Variants in SLCO4C1 observed in about 807,000 individuals in gnomAD.
The protein encoded by SLCO4C1 is solute carrier organic anion transporter family member 4C1, also known as organic anion transporter M1.
A neutral mutation model predicts 72.1 loss-of-function variants in SLCO4C1; 58 were observed. The ratio of observed to expected loss-of-function variants is 0.80; its 90% CI spans 0.65 to 1.00. The LOEUF is 1.00. SLCO4C1 is among the 50% of genes least tolerant of loss of function. The pLI is 0.00. For missense variants in SLCO4C1, 898 were observed against 857.9 expected, an observed-to-expected ratio of 1.05 and a Z score of -0.58; for synonymous variants, 297 against 312.5, an observed-to-expected ratio of 0.95 and a Z score of 0.52.
intron 6 of SLCO4C1, among the ~76,000 whole-genome samples, chr5:102,258,465 C>G (rs922489557): frequency 2.6e-5 from 4 of 152,014 alleles, no homozygotes; most frequent in Non-Finnish European, 5.9e-5. Context: ...TTCCTATGTA[C>G]AGTAAAGAAA....
At chr5:102,256,328 T>C (rs1748834601) in intron 8 of SLCO4C1, among the ~76,000 whole-genome samples, 1 of 152,242 alleles carries the variant, frequency 6.6e-6, no homozygotes. Context: ...ATGATTGTCA[T>C]TGGCAAACTT....
At chr5:102,252,725 A>AT (rs1197706812) in intron 8 of SLCO4C1, among the ~76,000 whole-genome samples, 1 of 152,192 alleles carries the variant, frequency 6.6e-6, no homozygotes, top group Non-Finnish European at 1.5e-5. Flanking sequence ...TATATTCCTT[A>AT]ATATCAAGGG....
chr5:102,245,264 A>T (rs577129262), intron 10 of SLCO4C1, among the ~76,000 whole-genome samples: 43 of 152,266 alleles, frequency 2.8e-4, no homozygotes, highest in South Asian at 8.3e-4. Flanking sequence ...TGAATGGATG[A>T]TAAAACAAGA....
Position 102,237,070 on chromosome 5 carries a change from A to T in SLCO4C1, c.2015-52T>A, listed in dbSNP as rs1479434675. ...TGCTTTTGTTTTTAATTATGATAAA[A>T]ATTATCACTGAGAAAAATCTTCATG... On this transcript the variant is annotated intron_variant, in intron 12 of 12. Coordinates refer to ENST00000310954, the MANE Select transcript of SLCO4C1 (RefSeq NM_180991.5). 3.4e-6 allele frequency: 5 copies of T among 1,483,652 alleles called. No homozygotes were observed. In the African/African-American group the frequency reaches 7.1e-5, roughly 21 times the overall value. The allele number at this position is 1,483,652 out of a possible 1,614,324, so 91.9% of individuals were successfully genotyped here.
intron 2 of SLCO4C1, among the ~76,000 whole-genome samples, chr5:102,282,271 T>A (rs1055460761): frequency 6.6e-6 from 1 of 152,070 alleles, no homozygotes; most frequent in African/African-American, 2.4e-5. Flanking sequence ...TCTATGAGAA[T>A]GTTTAAAATG....
intron 5 of SLCO4C1, among the ~76,000 whole-genome samples, chr5:102,261,505 TAA>T (rs573943217): frequency 1.4e-5 from 2 of 146,806 alleles, no homozygotes; most frequent in African/African-American, 5.0e-5. Context: ...AGTGATAACT[TAA>T]AAAAAAAAGT....
At chr5:102,244,260 GT>G (rs1748598778) in intron 10 of SLCO4C1, among the ~76,000 whole-genome samples, 2 of 152,144 alleles carry the variant, frequency 1.3e-5, no homozygotes, top group South Asian at 2.1e-4. Context: ...ATGCATCAGA[GT>G]CCTTTAGTAG....
intron 3 of SLCO4C1, among the ~76,000 whole-genome samples, chr5:102,265,231 T>C (rs970562955): frequency 4.6e-5 from 7 of 152,166 alleles, no homozygotes; most frequent in African/African-American, 1.7e-4. Context: ...CTTTGTTGGA[T>C]GAACAGTCTG....
chr5:102,250,616 C>T (rs974724352), intron 8 of SLCO4C1, among the ~76,000 whole-genome samples: 1 of 152,104 alleles, frequency 6.6e-6, no homozygotes, highest in South Asian at 2.1e-4. Context: ...CTTTTAGAAG[C>T]ACCAAGGAAG....
At position 102,296,137 on chromosome 5, in the gene SLCO4C1, C is replaced by T; in HGVS notation, c.126G>A (p.Glu42=). The change falls in exon 1 of 13, where the codon GAG becomes GAA. Residue 42 remains glutamate, a synonymous_variant. Coordinates refer to ENST00000310954, the MANE Select transcript of SLCO4C1 (RefSeq NM_180991.5). ...VSALSSDPQR[E]NSQPQELQKP... ...TCTGAAGCTCCTGTGGCTGAGAATT[C>T]TCTCTTTGGGGGTCAGAGGACAAGG... is the stretch of plus-strand genomic sequence containing the variant. The T allele has an allele frequency of 1.9e-6, 3 of 1,614,134 alleles. No individual in the cohort carries two copies. Among genetic ancestry groups the T allele is most frequent in the Non-Finnish European group, 1.7e-6 (2 of 1,179,988 alleles).
intron 5 of SLCO4C1, 40 bp downstream of exon 5, chr5:102,261,872 T>A: frequency 6.4e-7 from 1 of 1,564,852 alleles, no homozygotes; most frequent in South Asian, 1.2e-5. Flanking sequence ...TGGCCTACAA[T>A]TAAAATAAAC....
At chr5:102,295,857 G>A in intron 1 of SLCO4C1, 51 bp downstream of exon 1, 2 of 1,530,560 alleles carry the variant, frequency 1.3e-6, no homozygotes, top group Non-Finnish European at 1.8e-6. Context: ...GGCTCGCCGT[G>A]CCCACCTCGC....
chr5:102,270,807 CTT>C lies in SLCO4C1; in HGVS notation c.620-3_620-2del. The C allele has an allele frequency of 6.8e-7, 1 of 1,466,928 alleles. No individual in the cohort carries two copies. Among genetic ancestry groups the C allele is most frequent in the African/African-American group, 2.1e-5 (1 of 47,074 alleles). The allele number at this position is 1,466,928 out of a possible 1,614,324, so 90.9% of individuals were successfully genotyped here. ...CTATTCCTTGTTGTTACACAAGTGT[CTT>C]TGTGGAAAAAAAAATTGTGAATTTA... On this transcript the variant is annotated splice_acceptor_variant and splice_polypyrimidine_tract_variant and intron_variant, in intron 2 of 12. Transcript: ENST00000310954. LOFTEE classifies it high-confidence loss of function.
Position 102,270,823 on chromosome 5 carries a change from A to T in SLCO4C1, c.620-17T>A. ...CACAAGTGTCTTTGTGGAAAAAAAA[A>T]TTGTGAATTTATAGAAATTCAGCTA... is the stretch of plus-strand genomic sequence containing the variant. On this transcript the variant is annotated splice_polypyrimidine_tract_variant and intron_variant, in intron 2 of 12. Transcript: ENST00000310954. 6.5e-7 allele frequency: 1 copy of T among 1,542,122 alleles called. No homozygotes were observed. Among genetic ancestry groups the T allele is most frequent in the Non-Finnish European group, 8.7e-7 (1 of 1,146,214 alleles).
chr5:102,266,230 G>A (rs1749035955), intron 3 of SLCO4C1, among the ~76,000 whole-genome samples: 2 of 152,032 alleles, frequency 1.3e-5, no homozygotes, highest in Non-Finnish European at 2.9e-5. Context: ...TTTTATGTAA[G>A]ACTATGTCAT....
In SLCO4C1 at chr5:102,255,657, T is replaced by A. The variant is rs188046261; in HGVS notation, c.1469+1458A>T. ...TCTCCCTTTCTCTCTTCTCAAATCT[T>A]TATTTCTCAAAACTCTTTGTATCCT... On this transcript the variant is annotated intron_variant, in intron 8 of 12. Coordinates refer to ENST00000310954, the MANE Select transcript of SLCO4C1 (RefSeq NM_180991.5). Among the ~76,000 whole-genome samples, 256 of 152,278 alleles carry A rather than the reference T, an allele frequency of 1.7e-3. 2 individuals are homozygous for A. The highest frequency in any genetic ancestry group is 0.014 in the Middle Eastern group (4 of 294).
chr5:102,237,503 T>C (rs1291762582), intron 12 of SLCO4C1, among the ~76,000 whole-genome samples: 4 of 151,908 alleles, frequency 2.6e-5, no homozygotes, highest in Admixed American at 6.6e-5. Context: ...TCCCAGCTAC[T>C]TGGGATGCTG....
intron 5 of SLCO4C1, among the ~76,000 whole-genome samples, chr5:102,260,804 G>A (rs1179819739): frequency 6.6e-6 from 1 of 151,632 alleles, no homozygotes; most frequent in African/African-American, 2.4e-5. Flanking sequence ...TTATTACCAT[G>A]TCCCTTTGAT....
At chr5:102,283,389 T>A (rs150598602) in intron 2 of SLCO4C1, among the ~76,000 whole-genome samples, 1 of 152,156 alleles carries the variant, frequency 6.6e-6, no homozygotes, top group East Asian at 1.9e-4. Context: ...TAAACTCACT[T>A]ATTTCTGACT....
Sources: allele counts gnomAD v4.1 joint callset (sites outside exome capture counted in the v4.1 genomes callset), GRCh38; gene constraint gnomAD v4.1.1; transcripts MANE v1.5; gene names NCBI Gene and HGNC (gene_info 2026-07-23, HGNC 2026-07-21).